The following GNAL variants were observed in gnomAD, a reference collection of about 807,000 sequenced individuals.
GNAL encodes the protein G protein subunit alpha L, also known as guanine nucleotide-binding protein G(olf) subunit alpha.
Under a neutral mutation model 55.1 loss-of-function variants are expected in GNAL, and 18 were observed. The observed-to-expected ratio is 0.33, with a 90% CI of 0.23 to 0.48. GNAL has a LOEUF of 0.48. Among genes scored for constraint, GNAL ranks in the 20% least tolerant of loss-of-function variants. The pLI, the probability that GNAL is intolerant of heterozygous loss-of-function variation, is 0.99. For synonymous variants in GNAL, 253 were observed against 237.0 expected (o/e 1.07, Z -0.62); for missense variants, 412 against 614.1 (o/e 0.67, Z 3.48).
intron 10 of GNAL, 130 bp from the exon 11 acceptor site, chr18:11,876,491 G>T: frequency 3.0e-6 from 2 of 669,144 alleles, no homozygotes; most frequent in Non-Finnish European, 5.4e-6. Context: ...GTTTGTTTTT[G>T]CCTTGCTGTA....
intron 1 of GNAL, chr18:11,747,065 G>A (rs2032704216): frequency 2.3e-6 from 1 of 444,188 alleles, no homozygotes; most frequent in East Asian, 5.6e-5. Context: ...TGAGGCCGAG[G>A]AGAGAGAGGC....
intron 1 of GNAL, among the ~76,000 whole-genome samples, chr18:11,712,548 A>G (rs1346670497): frequency 6.6e-6 from 1 of 152,146 alleles, no homozygotes; most frequent in African/African-American, 2.4e-5. Flanking sequence ...TGCTGACATC[A>G]CTCTCAAAAA....
chr18:11,825,056 A>G (rs954607849), intron 5 of GNAL, 41 bp downstream of exon 5: 12 of 1,017,250 alleles, frequency 1.2e-5, no homozygotes, highest in Non-Finnish European at 1.7e-5. Context: ...CCTTTGAAGA[A>G]TATGATTGCA....
chr18:11,850,591 A>G (rs961866160), intron 5 of GNAL, among the ~76,000 whole-genome samples: 5 of 152,250 alleles, frequency 3.3e-5, no homozygotes, highest in Admixed American at 2.6e-4. Context: ...GTGGGTCCTG[A>G]TATCTCAACA....
chr18:11,784,267 G>A (rs558983146), intron 4 of GNAL, among the ~76,000 whole-genome samples: 116 of 152,352 alleles, frequency 7.6e-4, no homozygotes, highest in African/African-American at 2.5e-3. Context: ...CGAGGTGTCC[G>A]CCCTAATGGG....
At chr18:11,850,382 G>T (rs536164230) in intron 5 of GNAL, among the ~76,000 whole-genome samples, 1 of 152,300 alleles carries the variant, frequency 6.6e-6, no homozygotes, top group Non-Finnish European at 1.5e-5. Flanking sequence ...AGATTAAAAT[G>T]ATCTCTAAAC....
At chr18:11,840,875 CTTTTTTT>C (rs112505457) in intron 5 of GNAL, among the ~76,000 whole-genome samples, 1 of 137,028 alleles carries the variant, frequency 7.3e-6, no homozygotes, top group African/African-American at 2.7e-5. Context: ...TTTTTCTTTT[CTTTTTTT>C]TTTTTTTTTT....
chr18:11,824,713 A>G (rs1003712604), intron 4 of GNAL, among the ~76,000 whole-genome samples: 2 of 137,392 alleles, frequency 1.5e-5, no homozygotes, highest in African/African-American at 2.6e-5. Flanking sequence ...AACTTTTGCA[A>G]TTTGACTTGA....
At chr18:11,747,164 G>T (rs2032706733) in intron 1 of GNAL, 3 of 390,736 alleles carry the variant, frequency 7.7e-6, no homozygotes, top group South Asian at 6.9e-5. Flanking sequence ...TCTGGTTTCT[G>T]CATCATCGAT....
rs1385987861 is a variant in GNAL at position 11,753,656 on chromosome 18, C to T, written c.478C>T (p.Arg160Trp). The change falls in exon 3 of 12, where the codon CGG becomes TGG. Residue 160 changes from arginine to tryptophan, a missense_variant. Around this residue, in one of 5 missense-constraint regions of GNAL, gnomAD observed 47 missense variants for 82.7 expected, o/e 0.57. Coordinates refer to ENST00000334049, the MANE Select transcript of GNAL (RefSeq NM_182978.4). Reference protein sequence around the residue: ...EEKKQKILDIRKNVKDAIVTI... With the variant: ...EEKKQKILDIWKNVKDAIVTI... ...AAAGAAACAGAAAATTCTGGACATC[C>T]GGAAAAATGTTAAAGATGCTATCGT... is the stretch of plus-strand genomic sequence containing the variant. 1.2e-6 allele frequency: 2 copies of T among 1,600,938 alleles called. No individual in the cohort carries two copies. The highest frequency in any genetic ancestry group is 1.7e-6 in the Non-Finnish European group (2 of 1,168,212).
chr18:11,690,553 C>T (rs940405886), intron 1 of GNAL, among the ~76,000 whole-genome samples: 27 of 150,874 alleles, frequency 1.8e-4, no homozygotes, highest in Admixed American at 3.3e-4. Flanking sequence ...TGGTGTGCTG[C>T]ACCCATTAAC....
intron 5 of GNAL, among the ~76,000 whole-genome samples, chr18:11,844,643 C>T (rs986900368): frequency 3.3e-5 from 5 of 152,082 alleles, no homozygotes; most frequent in African/African-American, 1.2e-4. Flanking sequence ...TCCCCGGGAA[C>T]AGCAGTGAAG....
intron 4 of GNAL, among the ~76,000 whole-genome samples, chr18:11,758,275 G>C (rs2033127366): frequency 1.3e-5 from 2 of 152,258 alleles, no homozygotes; most frequent in Middle Eastern, 3.4e-3. Flanking sequence ...TGTTAGCAAA[G>C]GCTTTTCAAG....
At chr18:11,838,016 A>G (rs1362510500) in intron 5 of GNAL, among the ~76,000 whole-genome samples, 1 of 152,050 alleles carries the variant, frequency 6.6e-6, no homozygotes, top group African/African-American at 2.4e-5. Flanking sequence ...TGGTAGTCCC[A>G]GCTACTTGGG....
chr18:11,690,045 G>A, intron 1 of GNAL, 106 bp downstream of exon 1: 1 of 589,588 alleles, frequency 1.7e-6, no homozygotes, highest in Non-Finnish European at 2.4e-6. Flanking sequence ...AGCGGCGGCG[G>A]GAGGGGCTCC....
rs545515218 is a variant in GNAL at position 11,815,533 on chromosome 18, C to T, written c.625-9385C>T. ...CACACTTTTAAACAAGCAGCTCTCA[C>T]GAGCACTAAGTCACCGAGGGGGAAG... On this transcript the variant is annotated intron_variant, in intron 4 of 11. Coordinates refer to ENST00000334049, the MANE Select transcript of GNAL (RefSeq NM_182978.4). Among the ~76,000 whole-genome samples, 234 of 152,192 alleles carry T rather than the reference C, an allele frequency of 1.5e-3. 1 individual carries two copies. Among genetic ancestry groups the T allele is most frequent in the Admixed American group, 6.9e-3 (106 of 15,270 alleles).
In GNAL at chr18:11,752,227, C is replaced by A; in HGVS notation, c.377-626C>A. The A allele has an allele frequency of 9.7e-7, 1 of 1,033,912 alleles. No homozygotes were observed. The highest frequency in any genetic ancestry group is 1.3e-6 in the Non-Finnish European group (1 of 767,678). 64.0% of individuals were successfully genotyped at this position (1,033,912 alleles called of 1,614,324 possible). A position where few individuals can be genotyped will look rare whatever the true frequency, so the allele number is the denominator to read the frequency against. On this transcript the variant is annotated intron_variant, in intron 1 of 11. Transcript: ENST00000334049. This position sits in a 1 kb window ranked among gnomAD's most constrained non-coding sequence, Gnocchi z 4.5. ...AAGGCATTTTACTCCGCGCGTCTTCCTTACAGCCATTTAGTTGGGAGTTTG... is the reference window on the plus strand; with the variant it reads ...AAGGCATTTTACTCCGCGCGTCTTCATTACAGCCATTTAGTTGGGAGTTTG...
intron 4 of GNAL, 126 bp downstream of exon 4, chr18:11,754,071 A>G (rs978337333): frequency 1.4e-6 from 1 of 731,950 alleles, no homozygotes; most frequent in Admixed American, 2.4e-5. Context: ...AGCTCTCTAA[A>G]TGCATAAGAG....
intron 5 of GNAL, among the ~76,000 whole-genome samples, chr18:11,832,781 A>AC (rs1043046432): frequency 2.0e-5 from 3 of 151,248 alleles, no homozygotes; most frequent in African/African-American, 7.3e-5. Context: ...AATTGCTTGA[A>AC]CCCGGGAGGC....
Sources: gnomAD v4.1 joint callset for allele counts (sites outside exome capture counted in the v4.1 genomes callset) on GRCh38, gnomAD v4.1.1 for gene constraint, gnomAD v4.1.1 regional missense constraint, Gnocchi (gnomAD v3.1) non-coding constraint, MANE v1.5 for transcripts, NCBI Gene and HGNC (gene_info 2026-07-23, HGNC 2026-07-21) for gene names.